The following CDKAL1 variants were observed in gnomAD, a reference collection of about 807,000 sequenced individuals.
CDKAL1 encodes CDKAL1 threonylcarbamoyladenosine tRNA methylthiotransferase.
A neutral mutation model predicts 68.2 loss-of-function variants in CDKAL1; 32 were observed. The ratio of observed to expected loss-of-function variants is 0.47; its 90% confidence interval spans 0.35 to 0.63. The LOEUF is 0.63. Among genes scored for constraint, CDKAL1 ranks in the 30% least tolerant of loss-of-function variants. The pLI, the probability that CDKAL1 is intolerant of heterozygous loss-of-function variation, is 0.00. For synonymous variants in CDKAL1, 234 were observed against 244.3 expected, an observed-to-expected ratio of 0.96 and a Z score of 0.39; for missense variants, 606 against 696.7, an observed-to-expected ratio of 0.87 and a Z score of 1.47.
chr6:20,812,835 AT>A (rs540648168), intron 8 of CDKAL1, among the ~76,000 whole-genome samples: 1 of 152,070 alleles, frequency 6.6e-6, no homozygotes, highest in Non-Finnish European at 1.5e-5. Context: ...TACAAATACA[AT>A]TTTTTTAACA....
chr6:21,050,045 G>T (rs879859367), intron 11 of CDKAL1, among the ~76,000 whole-genome samples: 3 of 151,738 alleles, frequency 2.0e-5, no homozygotes, highest in Non-Finnish European at 4.4e-5. Flanking sequence ...ACTTTAAAAA[G>T]GTAAAATTGT....
chr6:20,823,234 G>C (rs754331665), intron 8 of CDKAL1, among the ~76,000 whole-genome samples: 4 of 152,072 alleles, frequency 2.6e-5, no homozygotes, highest in Non-Finnish European at 4.4e-5. Context: ...AGGCTTTTCT[G>C]GTTCCAGTTA....
At chr6:20,692,407 C>G (rs893248813) in intron 5 of CDKAL1, among the ~76,000 whole-genome samples, 1 of 152,192 alleles carries the variant, frequency 6.6e-6, no homozygotes, top group South Asian at 2.1e-4. Flanking sequence ...TACTACTAAT[C>G]AATAAGTGAA....
chr6:20,748,647 G>A (rs1419974161), intron 6 of CDKAL1, among the ~76,000 whole-genome samples: 5 of 141,462 alleles, frequency 3.5e-5, no homozygotes, highest in East Asian at 2.2e-4. Context: ...ACACATAGAC[G>A]AATGGGAACA....
At chr6:20,666,523 A>G (rs1453210645) in intron 5 of CDKAL1, among the ~76,000 whole-genome samples, 1 of 152,254 alleles carries the variant, frequency 6.6e-6, no homozygotes, top group African/African-American at 2.4e-5. Context: ...ATGATTATTT[A>G]TAATGCAAAA....
intron 9 of CDKAL1, among the ~76,000 whole-genome samples, chr6:20,859,480 G>A (rs931933112): frequency 6.6e-6 from 1 of 152,152 alleles, no homozygotes; most frequent in Non-Finnish European, 1.5e-5. Context: ...TTCATTTCCA[G>A]CTGAGGAACA....
At chr6:20,598,855 A>T (rs1431186882) in intron 4 of CDKAL1, among the ~76,000 whole-genome samples, 1 of 152,098 alleles carries the variant, frequency 6.6e-6, no homozygotes, top group Non-Finnish European at 1.5e-5. Context: ...TTACTGAGTT[A>T]TTTTATTATG....
chr6:20,961,766 CAA>C (rs1226258631), intron 10 of CDKAL1, among the ~76,000 whole-genome samples: 1 of 107,632 alleles, frequency 9.3e-6, no homozygotes, highest in African/African-American at 3.5e-5. Flanking sequence ...GACTCCGTCT[CAA>C]AAAAAAAAAA....
chr6:20,784,408 A>ATTTC (rs1775571054), intron 8 of CDKAL1, among the ~76,000 whole-genome samples: 1 of 23,010 alleles, frequency 4.3e-5, no homozygotes, highest in Non-Finnish European at 9.1e-5. Context: ...CAGATATTTT[A>ATTTC]TTTCTTTTTT....
intron 12 of CDKAL1, among the ~76,000 whole-genome samples, chr6:21,088,297 C>T (rs1269272443): frequency 6.6e-6 from 1 of 152,126 alleles, no homozygotes; most frequent in Non-Finnish European, 1.5e-5. Context: ...ACAATTAGTT[C>T]AATTAACCTG....
chr6:20,835,946 T>A (rs1777921781), intron 8 of CDKAL1, among the ~76,000 whole-genome samples: 2 of 152,182 alleles, frequency 1.3e-5, no homozygotes, highest in South Asian at 4.1e-4. Context: ...AAATGAGATG[T>A]ATATGAGGGA....
chr6:20,643,639 T>G (rs1397179458), intron 4 of CDKAL1, among the ~76,000 whole-genome samples: 2 of 152,194 alleles, frequency 1.3e-5, no homozygotes, highest in African/African-American at 4.8e-5. Flanking sequence ...TTTAGTGAGT[T>G]TGTTTTCTGT....
chr6:21,108,618 CAG>C (rs906404776), intron 13 of CDKAL1, among the ~76,000 whole-genome samples, 155 bp downstream of exon 13: 9 of 152,164 alleles, frequency 5.9e-5, no homozygotes, highest in African/African-American at 2.2e-4. Flanking sequence ...TTAAAGAAAA[CAG>C]AAATGTTATA....
At chr6:20,653,947 G>A (rs1012296585) in intron 5 of CDKAL1, among the ~76,000 whole-genome samples, 11 of 151,650 alleles carry the variant, frequency 7.3e-5, no homozygotes, top group Non-Finnish European at 1.6e-4. Flanking sequence ...CGGTTTCACC[G>A]TGTTGGCCAG....
intron 5 of CDKAL1, among the ~76,000 whole-genome samples, chr6:20,657,733 C>T (rs988538924): frequency 2.6e-5 from 4 of 152,032 alleles, no homozygotes; most frequent in Admixed American, 6.6e-5. Context: ...CAAGGTTTTA[C>T]AGTGTTTGTA....
intron 5 of CDKAL1, among the ~76,000 whole-genome samples, chr6:20,736,835 A>T (rs755054662): frequency 5.9e-5 from 9 of 152,076 alleles, no homozygotes; most frequent in Non-Finnish European, 1.0e-4. Flanking sequence ...TAGGGTATTA[A>T]ATTAATTTCC....
At chr6:20,966,369 A>G (rs112422794) in intron 10 of CDKAL1, among the ~76,000 whole-genome samples, 4 of 152,356 alleles carry the variant, frequency 2.6e-5, no homozygotes, top group African/African-American at 9.6e-5. Flanking sequence ...AGTTGGAAAC[A>G]TAAGGATTAT....
intron 9 of CDKAL1, among the ~76,000 whole-genome samples, chr6:20,898,870 C>A (rs1355562897): frequency 1.3e-5 from 2 of 152,058 alleles, no homozygotes; most frequent in Admixed American, 1.3e-4. Context: ...GATTCAAGGG[C>A]TCCCAGGGTT....
At chr6:20,893,810 T>A (rs560535169) in intron 9 of CDKAL1, among the ~76,000 whole-genome samples, 1 of 152,140 alleles carries the variant, frequency 6.6e-6, no homozygotes, top group African/African-American at 2.4e-5. Flanking sequence ...CTAAGCACAG[T>A]CTTGGGCATG....
Sources: allele counts gnomAD v4.1 joint callset (sites outside exome capture counted in the v4.1 genomes callset), GRCh38; gene constraint gnomAD v4.1.1; transcripts MANE v1.5; gene names NCBI Gene and HGNC (gene_info 2026-07-23, HGNC 2026-07-21).